POLN: variants seen among roughly 807,000 people sequenced by gnomAD.
The protein encoded by POLN is DNA polymerase nu.
In POLN, 108 loss-of-function variants were observed where a neutral mutation model predicts 113.5. The observed-to-expected ratio is 0.95, with a 90% CI of 0.81 to 1.12. POLN has a LOEUF of 1.12. Ranked by LOEUF, POLN falls within the 50% of genes most tolerant of loss-of-function variation. The pLI, the probability that POLN is intolerant of heterozygous loss-of-function variation, is 0.00. For synonymous variants in POLN, 386 were observed against 391.5 expected, an observed-to-expected ratio of 0.99 and a Z score of 0.17; for missense variants, 1,097 against 1,077.1, an observed-to-expected ratio of 1.02 and a Z score of -0.26.
intron 13 of POLN, among the ~76,000 whole-genome samples, chr4:2,163,057 G>C (rs966602600): frequency 1.3e-4 from 17 of 128,936 alleles, no homozygotes; most frequent in Admixed American, 5.5e-4. Context: ...AAAAACTCCT[G>C]CCAGGATTTT....
chr4:2,162,043 G>C (rs551220462), intron 13 of POLN, among the ~76,000 whole-genome samples: 1 of 152,290 alleles, frequency 6.6e-6, no homozygotes, highest in East Asian at 1.9e-4. Flanking sequence ...CTACCAATCA[G>C]CAGGATGTGG....
intron 4 of POLN, 46 bp downstream of exon 4, chr4:2,213,001 C>T: frequency 7.3e-7 from 1 of 1,373,088 alleles, no homozygotes; most frequent in Non-Finnish European, 1.0e-6. Flanking sequence ...ATCTATTGAA[C>T]AAATAAGTTA....
chr4:2,141,511 C>T (rs2108731539), intron 16 of POLN, among the ~76,000 whole-genome samples: 1 of 152,330 alleles, frequency 6.6e-6, no homozygotes, highest in Non-Finnish European at 1.5e-5. Context: ...TGTCCTTGCC[C>T]TGTCTGCTCT....
intron 20 of POLN, chr4:2,089,875 G>A (rs1730626386): frequency 2.1e-6 from 2 of 974,866 alleles, no homozygotes; most frequent in Non-Finnish European, 3.2e-6. Context: ...ACTGTCTGTA[G>A]ATGACAATCT....
rs1249035950 is a variant in POLN at position 2,213,116 on chromosome 4, CA to C, written c.143del (p.Val48GlyfsTer2). ...AATACTTAACACTGGACTTGTTTAT[CA>C]CTTCCATAGCTTTTAAAAACAACAA... is the stretch of plus-strand genomic sequence containing the variant. Reference protein sequence around the residue: ...TWGKSTETMEVINKSSVKYSV... With the variant: ...TWGKSTETMEXINKSSVKYSV... On this transcript the variant is annotated frameshift_variant, in exon 4 of 26. Transcript: ENST00000511885. LOFTEE classifies it high-confidence loss of function. 1 of 1,601,596 alleles carries C rather than the reference CA, an allele frequency of 6.2e-7. No homozygotes were observed. The highest frequency in any genetic ancestry group is 8.5e-7 in the Non-Finnish European group (1 of 1,174,718).
rs1731591087 is a variant in POLN at position 2,126,715 on chromosome 4, T to C, written c.1982+1398A>G. Among the ~76,000 whole-genome samples the C allele has an allele frequency of 6.6e-6, 1 of 151,766 alleles. No homozygotes were observed. The highest frequency in any genetic ancestry group is 2.4e-5 in the African/African-American group (1 of 41,290). On this transcript the variant is annotated intron_variant, in intron 19 of 25. Transcript: ENST00000511885. This position sits in a 1 kb window ranked among gnomAD's most constrained non-coding sequence, Gnocchi z 4.6. ...TGAGGAGACGCCGGGAGGGCCCACTTGGATGAGGTAGGGGAGGGAGACACA... is the reference window on the plus strand; with the variant it reads ...TGAGGAGACGCCGGGAGGGCCCACTCGGATGAGGTAGGGGAGGGAGACACA...
intron 19 of POLN, among the ~76,000 whole-genome samples, chr4:2,098,277 G>A (rs1730844177): frequency 1.3e-5 from 2 of 151,934 alleles, no homozygotes; most frequent in Non-Finnish European, 2.9e-5. Context: ...AAATTAGCTG[G>A]GCATGATGAT....
intron 3 of POLN, among the ~76,000 whole-genome samples, chr4:2,221,518 G>A (rs866303304): frequency 6.6e-6 from 1 of 152,124 alleles, no homozygotes; most frequent in South Asian, 2.1e-4. Context: ...TCACTAAATT[G>A]TGTATTCAGT....
In POLN at chr4:2,176,348, A is replaced by G. The variant is rs1732996116; in HGVS notation, c.1180-14T>C. ...TACATTCTGATTCTTTAAAAGAGCA[A>G]AAGTATTTTTAAAAATCAGATAAAC... On this transcript the variant is annotated splice_polypyrimidine_tract_variant and intron_variant, in intron 8 of 25. Coordinates refer to ENST00000511885, the MANE Select transcript of POLN (RefSeq NM_181808.4). 6.4e-7 allele frequency: 1 copy of G among 1,571,990 alleles called. No individual in the cohort carries two copies. The highest frequency in any genetic ancestry group is 1.4e-5 in the African/African-American group (1 of 72,622).
rs746685504 is a variant in POLN, at chr4:2,085,618, T to C, written c.2192A>G (p.Gln731Arg). ...FARAAIAQCHQTGCVVSIMGR... is the reference protein window; with the variant it reads ...FARAAIAQCHRTGCVVSIMGR... ...TCTGGTTGTGGCCAACTCACCTGTC[T>C]GGTGACACTGGGCAATAGCTGCTCG... The change falls in exon 21 of 26, where the codon CAG becomes CGG. Residue 731 changes from glutamine to arginine, a missense_variant. Gln to Arg is a conservative substitution (Grantham distance 43). Transcript: ENST00000511885. The C allele has an allele frequency of 6.2e-7, 1 of 1,613,970 alleles. No homozygotes were observed. Among genetic ancestry groups the C allele is most frequent in the South Asian group, 1.1e-5 (1 of 91,070 alleles).
chr4:2,071,920 C>T lies in POLN; in HGVS notation c.*194G>A, dbSNP rs761195862. Reference sequence around the variant, plus strand: ...GTGGCTGGGGGTGGTGGACGCGGCACTTCCCACTCACAGGAAGAATTCACT... The same window carrying T: ...GTGGCTGGGGGTGGTGGACGCGGCATTTCCCACTCACAGGAAGAATTCACT... On this transcript the variant is annotated 3_prime_UTR_variant, in exon 26 of 26. Coordinates refer to ENST00000511885, the MANE Select transcript of POLN (RefSeq NM_181808.4). The surrounding 1 kb of genome is among the most constrained non-coding windows in gnomAD (Gnocchi z 5.2). 1.2e-4 allele frequency: 87 copies of T among 743,362 alleles called. No individual in the cohort carries two copies. In the Admixed American group the frequency reaches 1.6e-3, roughly 14 times the overall value. 46.0% of individuals were successfully genotyped at this position (743,362 alleles called of 1,614,324 possible).
intron 19 of POLN, among the ~76,000 whole-genome samples, chr4:2,098,598 A>G (rs1327173866): frequency 6.6e-6 from 1 of 152,226 alleles, no homozygotes; most frequent in Non-Finnish European, 1.5e-5. Context: ...CATCAGTATG[A>G]ACTCATGATA....
chr4:2,189,170 A>G (rs1212746938), intron 7 of POLN, among the ~76,000 whole-genome samples: 2 of 152,184 alleles, frequency 1.3e-5, no homozygotes, highest in Non-Finnish European at 2.9e-5. Flanking sequence ...ATAAGTCCTC[A>G]CCTACCAATA....
intron 13 of POLN, among the ~76,000 whole-genome samples, chr4:2,159,608 A>G (rs1732526484): frequency 6.6e-6 from 1 of 152,216 alleles, no homozygotes; most frequent in Admixed American, 6.5e-5. Flanking sequence ...TACCTATAGG[A>G]AAGTGCAAGA....
intron 2 of POLN, chr4:2,239,097 T>C: frequency 1.0e-6 from 1 of 955,196 alleles, no homozygotes; most frequent in Non-Finnish European, 1.5e-6. Context: ...TTTGAAATCA[T>C]CTTAAGATTA....
rs1730531527 is a variant in POLN at position 2,085,662 on chromosome 4, C to T, written c.2148G>A (p.Lys716=). The T allele has an allele frequency of 3.7e-6, 6 of 1,614,154 alleles. No homozygotes were observed. The highest frequency in any genetic ancestry group is 3.4e-6 in the Non-Finnish European group (4 of 1,180,046). The part of the protein sequence containing the change: ...QFLESFLQKY[K]KIKDFARAAI... ...CTGCTCGGGCGAAGTCCTTGATTTT[C>T]TTGTACTTCTGCAAAAAACTCTCCA... Residue 716 remains lysine (K), a synonymous_variant, in exon 21 of 26, where the codon AAG becomes AAA. Coordinates refer to ENST00000511885, the MANE Select transcript of POLN (RefSeq NM_181808.4).
intron 9 of POLN, 62 bp from the exon 10 acceptor site, chr4:2,174,813 T>A: frequency 7.8e-7 from 1 of 1,288,702 alleles, no homozygotes; most frequent in African/African-American, 1.6e-5. Flanking sequence ...TGCATTTTGT[T>A]GAAAAGCCTA....
intron 23 of POLN, chr4:2,080,369 C>T (rs1002037067): frequency 1.2e-6 from 1 of 865,502 alleles, no homozygotes; most frequent in Non-Finnish European, 1.3e-6. Context: ...AGGGCGGAGC[C>T]CCCCCCCACC....
At chr4:2,152,596 CAA>C (rs879705320) in intron 16 of POLN, among the ~76,000 whole-genome samples, 11 of 134,686 alleles carry the variant, frequency 8.2e-5, no homozygotes, top group Admixed American at 7.4e-5. Context: ...GCACTTTAAG[CAA>C]AAAAAAAAAA....
Sources: gnomAD v4.1 joint callset for allele counts (sites outside exome capture counted in the v4.1 genomes callset) on GRCh38, gnomAD v4.1.1 for gene constraint, Gnocchi (gnomAD v3.1) non-coding constraint, MANE v1.5 for transcripts, NCBI Gene and HGNC (gene_info 2026-07-23, HGNC 2026-07-21) for gene names.